The following CAMTA1 variants were observed in gnomAD, a reference collection of about 807,000 sequenced individuals.
CAMTA1 encodes the protein calmodulin-binding transcription activator 1.
CAMTA1 carries 27 observed loss-of-function variants against 170.9 expected under a neutral mutation model. The observed-to-expected ratio is 0.16, with a 90% confidence interval of 0.12 to 0.22. CAMTA1 has a LOEUF of 0.22. CAMTA1 is among the 10% of genes least tolerant of loss of function. CAMTA1 has a pLI of 1.00. For missense variants in CAMTA1, 1,619 were observed against 2,217.2 expected, an observed-to-expected ratio of 0.73 and a Z score of 5.42; for synonymous variants, 833 against 891.5, an observed-to-expected ratio of 0.93 and a Z score of 1.17.
chr1:6,901,258 G>A (rs1044565397), intron 3 of CAMTA1, among the ~76,000 whole-genome samples: 2 of 152,194 alleles, frequency 1.3e-5, no homozygotes, highest in African/African-American at 4.8e-5. Context: ...GTGGATCATA[G>A]ACCTAAGTTT....
intron 6 of CAMTA1, among the ~76,000 whole-genome samples, chr1:7,555,724 G>A (rs1232950904): frequency 2.0e-5 from 3 of 151,474 alleles, no homozygotes; most frequent in African/African-American, 7.3e-5. Flanking sequence ...CAAGCACCTA[G>A]CACGTGGTCC....
In CAMTA1 at chr1:7,658,381, C is replaced by T. The variant is rs140726572; in HGVS notation, c.665-3345C>T. ...AGAGCTGCGTGTTCTCCCATCCTAA[C>T]GGCACGTGAGGAGCCTCTGCAGAGC... On this transcript the variant is annotated intron_variant, in intron 7 of 22. Coordinates refer to ENST00000303635, the MANE Select transcript of CAMTA1 (RefSeq NM_015215.4). Among the ~76,000 whole-genome samples the T allele has an allele frequency of 2.4e-4, 36 of 152,260 alleles. 1 individual carries two copies. The highest frequency in any genetic ancestry group is 2.3e-3 in the South Asian group (11 of 4,820).
At chr1:7,553,830 G>A (rs1394668569) in intron 6 of CAMTA1, among the ~76,000 whole-genome samples, 1 of 152,210 alleles carries the variant, frequency 6.6e-6, no homozygotes, top group Non-Finnish European at 1.5e-5. Flanking sequence ...GTGACTCTGA[G>A]TCCAGGCCTG....
intron 5 of CAMTA1, among the ~76,000 whole-genome samples, chr1:7,351,902 C>T (rs150340643): frequency 1.5e-3 from 225 of 152,306 alleles, no homozygotes; most frequent in Middle Eastern, 3.4e-3. Flanking sequence ...AGGAAGGCAG[C>T]GCTGAGAGCA....
At chr1:7,204,461 G>T (rs890623617) in intron 4 of CAMTA1, among the ~76,000 whole-genome samples, 10 of 152,068 alleles carry the variant, frequency 6.6e-5, no homozygotes, top group South Asian at 2.1e-4. Flanking sequence ...ACATATTTGT[G>T]AGTTTCTCCC....
At chr1:6,920,467 C>A (rs1472798419) in intron 3 of CAMTA1, among the ~76,000 whole-genome samples, 3 of 152,170 alleles carry the variant, frequency 2.0e-5, no homozygotes, top group African/African-American at 7.2e-5. Context: ...ACTGTGCAAA[C>A]TGTCAGTGGA....
At chr1:6,819,306 T>TC (rs796212668) in intron 1 of CAMTA1, among the ~76,000 whole-genome samples, 2 of 152,024 alleles carry the variant, frequency 1.3e-5, no homozygotes, top group South Asian at 2.1e-4. Context: ...AAAATTTTCT[T>TC]TTTTTTTAAA....
intron 3 of CAMTA1, among the ~76,000 whole-genome samples, chr1:7,001,793 C>T (rs1698236983): frequency 6.6e-6 from 1 of 152,174 alleles, no homozygotes; most frequent in Non-Finnish European, 1.5e-5. Flanking sequence ...GCTGTGCCAC[C>T]TTCCTTCTTC....
chr1:7,126,695 A>G (rs1387675016), intron 4 of CAMTA1, among the ~76,000 whole-genome samples: 1 of 152,234 alleles, frequency 6.6e-6, no homozygotes, highest in Non-Finnish European at 1.5e-5. Flanking sequence ...CAACCAATGC[A>G]TAGCTTGCAA....
intron 3 of CAMTA1, among the ~76,000 whole-genome samples, chr1:7,051,767 T>C (rs1201069112): frequency 6.9e-6 from 1 of 145,432 alleles, no homozygotes; most frequent in African/African-American, 2.4e-5. Context: ...CTGGATTGTA[T>C]TCATTCGAAT....
At chr1:7,586,517 C>G (rs1448166753) in intron 6 of CAMTA1, among the ~76,000 whole-genome samples, 1 of 152,130 alleles carries the variant, frequency 6.6e-6, no homozygotes, top group Non-Finnish European at 1.5e-5. Flanking sequence ...GGCGCCCAGG[C>G]CAGGCTGTGA....
chr1:6,925,221 C>A (rs1682853961), intron 3 of CAMTA1, among the ~76,000 whole-genome samples: 1 of 152,234 alleles, frequency 6.6e-6, no homozygotes, highest in South Asian at 2.1e-4. Context: ...GGCCATGAGG[C>A]CTCTAGAAGC....
chr1:7,556,550 T>C (rs1193159), intron 6 of CAMTA1, among the ~76,000 whole-genome samples: 77,947 of 151,974 alleles, frequency 0.51, 20,433 homozygotes, highest in East Asian at 0.66. Context: ...CACACGCACA[T>C]CACCTCGCCA....
intron 3 of CAMTA1, among the ~76,000 whole-genome samples, chr1:6,834,866 T>C (rs1180973662): frequency 6.6e-6 from 1 of 152,182 alleles, no homozygotes; most frequent in East Asian, 1.9e-4. Context: ...CTTGAACTCC[T>C]GGGCTCAAGC....
chr1:7,549,003 G>C (rs1343318329), intron 6 of CAMTA1, among the ~76,000 whole-genome samples: 1 of 138,432 alleles, frequency 7.2e-6, no homozygotes, highest in Non-Finnish European at 1.6e-5. Context: ...AGAGGTGCTG[G>C]TGGAGGGTGC....
intron 5 of CAMTA1, among the ~76,000 whole-genome samples, chr1:7,319,989 A>G (rs1156938411): frequency 6.6e-6 from 1 of 152,204 alleles, no homozygotes; most frequent in Non-Finnish European, 1.5e-5. Flanking sequence ...TACCCAGTCT[A>G]ATAGCTTATC....
At chr1:6,951,993 C>G (rs11120794) in intron 3 of CAMTA1, among the ~76,000 whole-genome samples, 40,029 of 152,084 alleles carry the variant, frequency 0.26, 6,656 homozygotes, top group East Asian at 0.54. Flanking sequence ...GCCCCAAACC[C>G]CATCTCCCAC....
At position 7,618,519 on chromosome 1, in the gene CAMTA1, C is replaced by T. The variant is rs181689849; in HGVS notation, c.511-21881C>T. On this transcript the variant is annotated intron_variant, in intron 6 of 22. Coordinates refer to ENST00000303635, the MANE Select transcript of CAMTA1 (RefSeq NM_015215.4). The stretch of plus-strand genomic sequence containing the variant: ...CAAAGACTGACTCTGTACTGTTTAT[C>T]GTCTCCCTCGTTTTCAAGGCTTTGG... Among the ~76,000 whole-genome samples the T allele has an allele frequency of 2.6e-4, 40 of 152,328 alleles. 1 individual carries two copies. The East Asian group carries it at 7.3e-3, about 28-fold the overall frequency.
chr1:7,571,322 T>C (rs549988512), intron 6 of CAMTA1, among the ~76,000 whole-genome samples: 1 of 152,354 alleles, frequency 6.6e-6, no homozygotes, highest in South Asian at 2.1e-4. Flanking sequence ...ATGAGGATTC[T>C]TTTTCTTTAC....
Sources: allele counts gnomAD v4.1 joint callset (sites outside exome capture counted in the v4.1 genomes callset), GRCh38; gene constraint gnomAD v4.1.1; transcripts MANE v1.5; gene names NCBI Gene and HGNC (gene_info 2026-07-23, HGNC 2026-07-21).